RFX8: variants seen among roughly 807,000 people sequenced by gnomAD.
RFX8 encodes the protein DNA-binding protein RFX8.
A neutral mutation model predicts 54.6 loss-of-function variants in RFX8; 46 were observed. The observed-to-expected ratio is 0.84, with a 90% CI of 0.67 to 1.08. RFX8 has a LOEUF of 1.08. Ranked by LOEUF, RFX8 falls within the 50% of genes least tolerant of loss-of-function variation. RFX8 has a pLI of 0.00. For synonymous variants in RFX8, 192 were observed against 209.5 expected (o/e 0.92, Z 0.72); for missense variants, 536 against 562.3 (o/e 0.95, Z 0.47).
chr2:101,417,812 G>A (rs980070251), intron 5 of RFX8, 128 bp from the exon 6 acceptor site: 6 of 596,352 alleles, frequency 1.0e-5, no homozygotes, highest in Non-Finnish European at 1.7e-5. Flanking sequence ...GGTTGAAGGG[G>A]CAGCACCATG....
At chr2:101,415,422 T>C (rs1686436007) in intron 6 of RFX8, among the ~76,000 whole-genome samples, 1 of 152,200 alleles carries the variant, frequency 6.6e-6, no homozygotes, top group Non-Finnish European at 1.5e-5. Flanking sequence ...CCTCCAGAAC[T>C]ATAAGCAATA....
At chr2:101,465,391 T>C (rs1472033492) in intron 2 of RFX8, among the ~76,000 whole-genome samples, 2 of 152,132 alleles carry the variant, frequency 1.3e-5, no homozygotes, top group Admixed American at 6.5e-5. Context: ...ACGCCTGTAG[T>C]CCCAGATACT....
intron 6 of RFX8, among the ~76,000 whole-genome samples, chr2:101,415,398 C>T (rs143286209): frequency 0.014 from 2,107 of 152,312 alleles, 20 homozygotes; most frequent in Non-Finnish European, 0.021. Flanking sequence ...GTGCCTTGAT[C>T]TTGGACTTCC....
chr2:101,461,019 A>C (rs1219745475), intron 2 of RFX8, among the ~76,000 whole-genome samples: 1 of 151,770 alleles, frequency 6.6e-6, no homozygotes, highest in Non-Finnish European at 1.5e-5. Context: ...CTGTAATCCC[A>C]GCACTTTGGG....
intron 2 of RFX8, among the ~76,000 whole-genome samples, chr2:101,452,231 T>C (rs528406609): frequency 1.1e-4 from 16 of 152,352 alleles, no homozygotes; most frequent in Non-Finnish European, 1.9e-4. Context: ...AACTCAATGA[T>C]TTCAGGCACT....
At chr2:101,404,484 G>A (rs949034982) in intron 10 of RFX8, among the ~76,000 whole-genome samples, 8 of 152,136 alleles carry the variant, frequency 5.3e-5, no homozygotes, top group African/African-American at 1.9e-4. Context: ...AGGCTGGAGT[G>A]CAGTGGCACA....
rs78196440 is a variant in RFX8 at position 101,401,641 on chromosome 2, C to A, written c.1245+795G>T. ...CAGTTTTTTTTAACCAGCCCACTCC[C>A]CACTCCTCAATGGAGGCATTTCAGT... On this transcript the variant is annotated intron_variant, in intron 11 of 11. Coordinates refer to ENST00000428343, the MANE Select transcript of RFX8 (RefSeq NM_001145664.2). Among the ~76,000 whole-genome samples the A allele has an allele frequency of 8.5e-5, 13 of 152,290 alleles. 1 individual carries two copies. The East Asian group carries it at 2.5e-3, about 29-fold the overall frequency.
At chr2:101,457,180 G>A (rs1689020741) in intron 2 of RFX8, among the ~76,000 whole-genome samples, 1 of 152,002 alleles carries the variant, frequency 6.6e-6, no homozygotes, top group African/African-American at 2.4e-5. Flanking sequence ...TGATTTTTTT[G>A]AAGGGTTTTT....
intron 2 of RFX8, among the ~76,000 whole-genome samples, chr2:101,451,135 G>A (rs193105333): frequency 6.6e-6 from 1 of 152,136 alleles, no homozygotes; most frequent in Non-Finnish European, 1.5e-5. Context: ...CCTCCGCTAA[G>A]CCCAGGGGAC....
rs1685192028 is a variant in RFX8 at position 101,397,480 on chromosome 2, T to C, written c.*68A>G. 2 of 1,063,092 alleles carry C rather than the reference T, an allele frequency of 1.9e-6. No individual in the cohort carries two copies. The highest frequency in any genetic ancestry group is 3.2e-5 in the African/African-American group (2 of 62,062). The allele number at this position is 1,063,092 out of a possible 1,614,324, so 65.9% of individuals were successfully genotyped here. ...CATCATCTTTCGTCAATAGAAAAACTTTAGTATTTAATATTTTTAAGAATG... is the reference window on the plus strand; with the variant it reads ...CATCATCTTTCGTCAATAGAAAAACCTTAGTATTTAATATTTTTAAGAATG... On this transcript the variant is annotated 3_prime_UTR_variant, in exon 12 of 12. Transcript: ENST00000428343.
Position 101,402,466 on chromosome 2 carries a change from G to A in RFX8, c.1215C>T (p.Gly405=). 6.4e-7 allele frequency: 1 copy of A among 1,550,658 alleles called. No homozygotes were observed. Among genetic ancestry groups the A allele is most frequent in the Non-Finnish European group, 8.7e-7 (1 of 1,146,048 alleles). The change falls in exon 11 of 12, where the codon GGC becomes GGT. Residue 405 remains glycine (G), a synonymous_variant. Coordinates refer to ENST00000428343, the MANE Select transcript of RFX8 (RefSeq NM_001145664.2). The stretch of plus-strand genomic sequence containing the variant: ...TGCCCATGGCAGTGTCCACCAGGAA[G>A]CCCAGGATCCTGAGGACCATGTTGC... ...GVSNMVLRIL[G]FLVDTAMGNK... is the part of the protein sequence containing the mutation.
intron 2 of RFX8, chr2:101,428,907 A>G: frequency 8.9e-7 from 1 of 1,120,718 alleles, no homozygotes; most frequent in Non-Finnish European, 1.3e-6. Context: ...AATCACTGGT[A>G]TTGCTAGGTC....
At chr2:101,453,040 A>G (rs1360817436) in intron 2 of RFX8, among the ~76,000 whole-genome samples, 1 of 81,430 alleles carries the variant, frequency 1.2e-5, no homozygotes, top group East Asian at 2.8e-4. Context: ...TGAACCTGGG[A>G]GGTGGAGGTT....
intron 2 of RFX8, among the ~76,000 whole-genome samples, chr2:101,463,869 G>A (rs1167298350): frequency 6.6e-6 from 1 of 152,220 alleles, no homozygotes; most frequent in Non-Finnish European, 1.5e-5. Flanking sequence ...TGGAGGGGAT[G>A]GGGAAACAGC....
chr2:101,461,660 A>G (rs901474578), intron 2 of RFX8, among the ~76,000 whole-genome samples: 1 of 152,226 alleles, frequency 6.6e-6, no homozygotes, highest in Admixed American at 6.5e-5. Context: ...TTTCATTTTA[A>G]TATAGAGAGC....
chr2:101,452,306 G>A (rs1688728870), intron 2 of RFX8: 1 of 777,696 alleles, frequency 1.3e-6, no homozygotes, highest in Non-Finnish European at 2.0e-6. Context: ...GTTTTGTTTT[G>A]CATTTTTTAT....
chr2:101,398,071 T>C (rs1018114502), intron 11 of RFX8, among the ~76,000 whole-genome samples: 1 of 152,168 alleles, frequency 6.6e-6, no homozygotes, highest in Non-Finnish European at 1.5e-5. Flanking sequence ...TTGGCCAGGC[T>C]GGTTTCGAAC....
At chr2:101,405,885 G>T in intron 10 of RFX8, 58 bp downstream of exon 10, 2 of 1,074,452 alleles carry the variant, frequency 1.9e-6, no homozygotes, top group Non-Finnish European at 2.7e-6. Flanking sequence ...AAATACTTAT[G>T]CCATAATGAC....
intron 3 of RFX8, 104 bp downstream of exon 3, chr2:101,422,258 A>T: frequency 1.5e-6 from 1 of 680,280 alleles, no homozygotes; most frequent in East Asian, 2.7e-5. Context: ...GGCAAACATT[A>T]TTCCATGTGA....
Sources: allele counts gnomAD v4.1 joint callset (sites outside exome capture counted in the v4.1 genomes callset), GRCh38; gene constraint gnomAD v4.1.1; transcripts MANE v1.5; gene names NCBI Gene and HGNC (gene_info 2026-07-23, HGNC 2026-07-21).